Variants in LOXL1 observed in about 807,000 individuals in gnomAD.
The protein encoded by LOXL1 is lysyl oxidase like 1.
In LOXL1, 31 loss-of-function variants were observed where a neutral mutation model predicts 62.2. The ratio of observed to expected loss-of-function variants is 0.50; its 90% CI spans 0.37 to 0.67. LOXL1 has a LOEUF of 0.67. Ranked by LOEUF, LOXL1 falls within the 30% of genes least tolerant of loss-of-function variation. LOXL1 has a pLI of 0.00. For missense variants in LOXL1, 775 were observed against 843.4 expected (o/e 0.92, Z 1.00); for synonymous variants, 403 against 384.4 (o/e 1.05, Z -0.56).
intron 1 of LOXL1, among the ~76,000 whole-genome samples, chr15:73,935,379 T>C (rs1381017801): frequency 1.3e-5 from 2 of 152,018 alleles, no homozygotes; most frequent in Non-Finnish European, 2.9e-5. Context: ...GATCACACAG[T>C]GGTTTATGGC....
intron 1 of LOXL1, among the ~76,000 whole-genome samples, chr15:73,939,222 A>G (rs1318798918): frequency 6.6e-6 from 1 of 152,154 alleles, no homozygotes; most frequent in African/African-American, 2.4e-5. Context: ...TGCTGACGAA[A>G]TGTCCCCTGG....
intron 1 of LOXL1, among the ~76,000 whole-genome samples, chr15:73,942,650 G>A (rs999938893): frequency 6.6e-6 from 1 of 152,076 alleles, no homozygotes; most frequent in Non-Finnish European, 1.5e-5. Flanking sequence ...CGCAGAGCTC[G>A]AGATGTAAGC....
chr15:73,927,579 C>G lies in LOXL1; in HGVS notation c.796C>G (p.Pro266Ala), dbSNP rs2068595330. The G allele has an allele frequency of 1.3e-6, 2 of 1,502,626 alleles. No individual in the cohort carries two copies. Among genetic ancestry groups the G allele is most frequent in the East Asian group, 5.5e-5 (2 of 36,540 alleles). 93.1% of individuals were successfully genotyped at this position (1,502,626 alleles called of 1,614,324 possible). The stretch of plus-strand genomic sequence containing the variant: ...GCCCTACGTGCCGCCGCCGCCGCCG[C>G]CCCCCGACGGCCTGGACCGCCGCTA... ...ERPYVPPPPP[P>A]PDGLDRRYSH... is the part of the protein sequence containing the mutation. Residue 266 changes from proline to alanine, a missense_variant, in exon 1 of 7, where the codon CCC (proline) becomes GCC (alanine). Coordinates refer to ENST00000261921, the MANE Select transcript of LOXL1 (RefSeq NM_005576.4).
At position 73,927,742 on chromosome 15, in the gene LOXL1, C is replaced by T. The variant is rs925228666; in HGVS notation, c.959C>T (p.Ala320Val). The T allele has an allele frequency of 5.5e-6, 8 of 1,456,162 alleles. No homozygotes were observed. The highest frequency in any genetic ancestry group is 7.2e-6 in the Non-Finnish European group (8 of 1,110,580). 90.2% of individuals were successfully genotyped at this position (1,456,162 alleles called of 1,614,324 possible). Reference protein sequence around the residue: ...YPPYANPPPEAYGPPRALEPP... With the variant: ...YPPYANPPPEVYGPPRALEPP... ...CCCTACGCCAACCCGCCGCCCGAGGCGTACGGGCCGCCGCGCGCGCTGGAG... is the reference window on the plus strand; with the variant it reads ...CCCTACGCCAACCCGCCGCCCGAGGTGTACGGGCCGCCGCGCGCGCTGGAG... The change falls in exon 1 of 7, where the codon GCG (alanine) becomes GTG (valine). Residue 320 changes from alanine (A) to valine (V), a missense_variant. Coordinates refer to ENST00000261921, the MANE Select transcript of LOXL1 (RefSeq NM_005576.4).
In LOXL1 at chr15:73,926,814, G is replaced by T. The variant is rs1317632779; in HGVS notation, c.31G>T (p.Gly11Trp). MALARGSRQL[G>W]ALVWGACLCV... ...TCTGGCCCGAGGCAGCCGGCAGCTG[G>T]GGGCCCTGGTGTGGGGCGCCTGCCT... is the stretch of plus-strand genomic sequence containing the variant. Residue 11 changes from glycine to tryptophan, a missense_variant, in exon 1 of 7, where the codon GGG (glycine) becomes TGG (tryptophan). Coordinates refer to ENST00000261921, the MANE Select transcript of LOXL1 (RefSeq NM_005576.4). 1 of 1,498,110 alleles carries T rather than the reference G, an allele frequency of 6.7e-7. No homozygotes were observed. Among genetic ancestry groups the T allele is most frequent in the Non-Finnish European group, 8.9e-7 (1 of 1,122,930 alleles). The allele number at this position is 1,498,110 out of a possible 1,614,324, so 92.8% of individuals were successfully genotyped here.
At chr15:73,947,355 C>A in intron 4 of LOXL1, 132 bp downstream of exon 4, 1 of 964,894 alleles carries the variant, frequency 1.0e-6, no homozygotes, top group Non-Finnish European at 1.5e-6. Context: ...AAGGTCTTCT[C>A]ACCAGTCCTC....
At chr15:73,935,827 G>A (rs2068666861) in intron 1 of LOXL1, among the ~76,000 whole-genome samples, 1 of 152,138 alleles carries the variant, frequency 6.6e-6, no homozygotes, top group Non-Finnish European at 1.5e-5. Flanking sequence ...TGGTGGGGTG[G>A]ACAGGTGAGT....
rs1335001263 is a variant in LOXL1 at position 73,949,974 on chromosome 15, T to C, written c.1718+400T>C. Among the ~76,000 whole-genome samples, 5 of 152,212 alleles carry C rather than the reference T, an allele frequency of 3.3e-5. No individual in the cohort carries two copies. In the East Asian group the frequency reaches 9.6e-4, roughly 29 times the overall value. On this transcript the variant is annotated intron_variant, in intron 6 of 6. Transcript: ENST00000261921. The stretch of plus-strand genomic sequence containing the variant: ...TCCACATAGGCTGGCAATGAGGATC[T>C]ACAGGCCTGATGTCTGCATGTTCAC...
At chr15:73,927,957 G>T (rs922942530) in intron 1 of LOXL1, 72 bp downstream of exon 1, 1 of 1,257,696 alleles carries the variant, frequency 8.0e-7, no homozygotes, top group East Asian at 3.2e-5. Flanking sequence ...GGCCCCCCGG[G>T]CCCCTCCTTA....
chr15:73,951,202 C>T (rs914037777), intron 6 of LOXL1, among the ~76,000 whole-genome samples: 6 of 152,310 alleles, frequency 3.9e-5, no homozygotes, highest in African/African-American at 9.6e-5. Flanking sequence ...CAGCATCCCA[C>T]GTGCCAGGCG....
chr15:73,947,944 C>T (rs2068759848), intron 5 of LOXL1, 42 bp downstream of exon 5: 1 of 1,434,830 alleles, frequency 7.0e-7, no homozygotes, highest in East Asian at 2.3e-5. Context: ...ACCTGATGTT[C>T]ATGTCCAATG....
At position 73,951,905 on chromosome 15, in the gene LOXL1, C is replaced by T. The variant is rs552081038; in HGVS notation, c.*68C>T. The T allele has an allele frequency of 3.2e-5, 45 of 1,388,634 alleles. 1 individual carries two copies. The East Asian group carries it at 3.6e-4, about 11-fold the overall frequency. The allele number at this position is 1,388,634 out of a possible 1,614,324, so 86.0% of individuals were successfully genotyped here. ...AGGCCCTGCTCCCCGGGCAGCCTCC[C>T]GCCGAGGGGCCCAGCCCCCAACCCA... On this transcript the variant is annotated 3_prime_UTR_variant, in exon 7 of 7. Transcript: ENST00000261921.
chr15:73,936,854 G>A (rs893818), intron 1 of LOXL1, among the ~76,000 whole-genome samples: 44,626 of 152,212 alleles, frequency 0.29, 7,073 homozygotes, highest in East Asian at 0.55. Context: ...CTAAAGTATC[G>A]TCTGTAGGGG....
At chr15:73,938,313 ATC>A (rs2068689794) in intron 1 of LOXL1, among the ~76,000 whole-genome samples, 2 of 151,298 alleles carry the variant, frequency 1.3e-5, no homozygotes, top group Non-Finnish European at 1.5e-5. Flanking sequence ...CTATCTATCT[ATC>A]TAGGTAGATA....
chr15:73,942,827 C>T (rs1234529941), intron 1 of LOXL1, 27 bp from the exon 2 acceptor site: 6 of 1,399,106 alleles, frequency 4.3e-6, no homozygotes, highest in Non-Finnish European at 6.1e-6. Context: ...TCCTCCCTCC[C>T]CCCTTCTCTC....
chr15:73,951,452 G>A (rs1595850600), intron 6 of LOXL1, among the ~76,000 whole-genome samples: 1 of 152,098 alleles, frequency 6.6e-6, no homozygotes, highest in Non-Finnish European at 1.5e-5. Context: ...TTCCCAGAAA[G>A]GCCACGGGAC....
In LOXL1 at chr15:73,930,285, A is replaced by G. The variant is rs1198674306; in HGVS notation, c.1102+2400A>G. On this transcript the variant is annotated intron_variant, in intron 1 of 6. Transcript: ENST00000261921. The surrounding 1 kb of genome is among the most constrained non-coding windows in gnomAD (Gnocchi z 4.7). The stretch of plus-strand genomic sequence containing the variant: ...CTTCCACAGGAAGCAATGTCTAAGC[A>G]TTGCTGCAAGGGATGGTCATCAGCA... Among the ~76,000 whole-genome samples the G allele has an allele frequency of 6.6e-6, 1 of 152,162 alleles. No individual in the cohort carries two copies. The highest frequency in any genetic ancestry group is 1.5e-5 in the Non-Finnish European group (1 of 68,008).
chr15:73,928,891 A>C (rs2068614902), intron 1 of LOXL1, among the ~76,000 whole-genome samples: 1 of 148,288 alleles, frequency 6.7e-6, no homozygotes, highest in African/African-American at 2.5e-5. Context: ...AAAACACCTC[A>C]CTGGCCTCAT....
In LOXL1 at chr15:73,947,048, T is replaced by C. The variant is rs763575915; in HGVS notation, c.1350-19T>C. On this transcript the variant is annotated intron_variant, in intron 3 of 6. Coordinates refer to ENST00000261921, the MANE Select transcript of LOXL1 (RefSeq NM_005576.4). ...GAAGACTAGGCCCTCTTCTTTCTCC[T>C]TCTCTCCTCTGCCCCTAGGCATTAC... is the stretch of plus-strand genomic sequence containing the variant. The C allele has an allele frequency of 1.0e-5, 16 of 1,573,358 alleles. No individual in the cohort carries two copies. Among genetic ancestry groups the C allele is most frequent in the Non-Finnish European group, 1.4e-5 (16 of 1,153,356 alleles).
Sources: allele counts gnomAD v4.1 joint callset (sites outside exome capture counted in the v4.1 genomes callset), GRCh38; gene constraint gnomAD v4.1.1; non-coding constraint Gnocchi (gnomAD v3.1); transcripts MANE v1.5; gene names NCBI Gene and HGNC (gene_info 2026-07-23, HGNC 2026-07-21).